NEO1: variants seen among roughly 807,000 people sequenced by gnomAD.
NEO1 encodes the protein neogenin 1, also known as neogenin.
Under a neutral mutation model 159.7 loss-of-function variants are expected in NEO1, and 63 were observed. That is an observed-to-expected ratio of 0.39 (90% CI 0.32 to 0.49). The LOEUF (loss-of-function observed/expected upper bound fraction) is 0.49, where lower values mean the gene tolerates loss of function less well. Ranked by LOEUF, NEO1 falls within the 20% of genes least tolerant of loss-of-function variation. The pLI is 0.85. For missense variants in NEO1, 1,615 were observed against 1,831.0 expected (o/e 0.88, Z 2.15); for synonymous variants, 633 against 662.0 (o/e 0.96, Z 0.67).
At chr15:73,177,069 G>A (rs1028100995) in intron 6 of NEO1, among the ~76,000 whole-genome samples, 1 of 152,146 alleles carries the variant, frequency 6.6e-6, no homozygotes, top group African/African-American at 2.4e-5. Flanking sequence ...CCCAGTGTCG[G>A]ACAATTGTGG....
At chr15:73,172,465 G>A (rs1249847275) in intron 5 of NEO1, among the ~76,000 whole-genome samples, 1 of 152,124 alleles carries the variant, frequency 6.6e-6, no homozygotes, top group Admixed American at 6.5e-5. Context: ...ATAAATCATT[G>A]GCTAAAGATC....
chr15:73,205,558 G>A (rs1295929437), intron 7 of NEO1, among the ~76,000 whole-genome samples: 3 of 152,170 alleles, frequency 2.0e-5, no homozygotes, highest in African/African-American at 4.8e-5. Flanking sequence ...TCACCCCTAA[G>A]ACTGTGGCCC....
chr15:73,052,412 G>GCCCC (rs1182316618), upstream of NEO1: 7 of 8,080 alleles, frequency 8.7e-4, 1 homozygote, highest in South Asian at 6.3e-3. Context: ...CCGACCCACC[G>GCCCC]CCCCCCCCCC....
At chr15:73,074,409 A>G (rs899171641) in intron 1 of NEO1, among the ~76,000 whole-genome samples, 1 of 152,218 alleles carries the variant, frequency 6.6e-6, no homozygotes, top group African/African-American at 2.4e-5. Flanking sequence ...TAAACTCATG[A>G]GTAAGATAAG....
At chr15:73,068,648 T>C (rs2068360772) in intron 1 of NEO1, among the ~76,000 whole-genome samples, 1 of 152,168 alleles carries the variant, frequency 6.6e-6, no homozygotes, top group African/African-American at 2.4e-5. Flanking sequence ...GGTACAGATT[T>C]TCCCCCTTGG....
chr15:73,244,981 A>AAAAAAAAAAAAAC (rs1426485832), intron 9 of NEO1, among the ~76,000 whole-genome samples: 5 of 148,112 alleles, frequency 3.4e-5, no homozygotes, highest in South Asian at 2.1e-4. Flanking sequence ...AAAAAAAAAA[A>AAAAAAAAAAAAAC]AACAACAGCA....
At chr15:73,153,098 G>T (rs1042128204) in intron 5 of NEO1, among the ~76,000 whole-genome samples, 3 of 152,178 alleles carry the variant, frequency 2.0e-5, no homozygotes, top group African/African-American at 7.2e-5. Context: ...TGAGAACCAG[G>T]AGTGCTGAGG....
chr15:73,074,006 G>C (rs1266111137), intron 1 of NEO1, among the ~76,000 whole-genome samples: 2 of 152,090 alleles, frequency 1.3e-5, no homozygotes, highest in Non-Finnish European at 2.9e-5. Flanking sequence ...GTGGACTAAT[G>C]ATAGAATTAA....
intron 4 of NEO1, among the ~76,000 whole-genome samples, chr15:73,128,866 A>G (rs1297863149): frequency 6.6e-6 from 1 of 152,216 alleles, no homozygotes; most frequent in Non-Finnish European, 1.5e-5. Flanking sequence ...TTGGGAGCAG[A>G]TGATTTTTAA....
chr15:73,191,428 T>G (rs576957791), intron 7 of NEO1, among the ~76,000 whole-genome samples: 149 of 139,112 alleles, frequency 1.1e-3, no homozygotes, highest in African/African-American at 3.5e-3. Flanking sequence ...AGCTTAACTT[T>G]ATGAAGCAAA....
intron 5 of NEO1, among the ~76,000 whole-genome samples, chr15:73,138,755 C>CAAAAAAAA (rs11368240): frequency 1.0e-4 from 11 of 109,146 alleles, no homozygotes; most frequent in African/African-American, 1.7e-4. Context: ...GACTCCGTCT[C>CAAAAAAAA]AAAAAAAAAA....
chr15:73,296,060 C>T lies in NEO1; in HGVS notation c.3902-2288C>T, dbSNP rs902443617. On this transcript the variant is annotated intron_variant, in intron 26 of 28. Transcript: ENST00000261908. ...GGCCCCCGGAGTTGTGCAAGGCAGC[C>T]CTGGTCTGTGGTAGCAGGCCTGGGT... 3.3e-4 allele frequency among the ~76,000 whole-genome samples: 51 copies of T among 152,284 alleles called. 1 individual carries two copies. The highest frequency in any genetic ancestry group is 1.2e-3 in the African/African-American group (50 of 41,558).
At chr15:73,067,682 T>C (rs1197634919) in intron 1 of NEO1, among the ~76,000 whole-genome samples, 1 of 149,390 alleles carries the variant, frequency 6.7e-6, no homozygotes, top group Non-Finnish European at 1.5e-5. Flanking sequence ...AGTGGTGCCA[T>C]CTCAGCTCAC....
At chr15:73,284,504 G>A (rs2041863755) in intron 23 of NEO1, among the ~76,000 whole-genome samples, 1 of 150,106 alleles carries the variant, frequency 6.7e-6, no homozygotes, top group Non-Finnish European at 1.5e-5. Context: ...TCCATAGCTT[G>A]TACTGTATCA....
chr15:73,060,679 A>G (rs2067932343), intron 1 of NEO1, among the ~76,000 whole-genome samples: 1 of 151,594 alleles, frequency 6.6e-6, no homozygotes, highest in African/African-American at 2.4e-5. Flanking sequence ...ATGGGCTCTC[A>G]CTCTATCACC....
Position 73,052,814 on chromosome 15 carries a change from C to A in NEO1, c.130+9C>A. Reference sequence around the variant, plus strand: ...CGCGCCGCAGTCCCCAGGTAAGCGGCGGGCGCGGGCCCGGGGGTTCGCGGG... The same window carrying A: ...CGCGCCGCAGTCCCCAGGTAAGCGGAGGGCGCGGGCCCGGGGGTTCGCGGG... On this transcript the variant is annotated intron_variant, in intron 1 of 28. Coordinates refer to ENST00000261908, the MANE Select transcript of NEO1 (RefSeq NM_002499.4). The A allele has an allele frequency of 1.2e-6, 1 of 867,916 alleles. No homozygotes were observed. The highest frequency in any genetic ancestry group is 1.4e-6 in the Non-Finnish European group (1 of 706,804). The allele number at this position is 867,916 out of a possible 1,614,324, so 53.8% of individuals were successfully genotyped here. A position where few individuals can be genotyped will look rare whatever the true frequency, so the allele number is the denominator to read the frequency against.
intron 25 of NEO1, among the ~76,000 whole-genome samples, chr15:73,290,045 A>C (rs2042102192): frequency 6.6e-6 from 1 of 152,082 alleles, no homozygotes; most frequent in South Asian, 2.1e-4. Context: ...CTGAGATGGA[A>C]GGATTACTTG....
intron 25 of NEO1, among the ~76,000 whole-genome samples, chr15:73,291,955 A>G (rs2042180072): frequency 6.6e-6 from 1 of 152,076 alleles, no homozygotes; most frequent in African/African-American, 2.4e-5. Flanking sequence ...CTACTTCTAA[A>G]AACTACCTGT....
chr15:73,258,690 C>A, intron 13 of NEO1, 76 bp from the exon 14 acceptor site: 1 of 1,237,596 alleles, frequency 8.1e-7, no homozygotes, highest in Non-Finnish European at 1.2e-6. Flanking sequence ...GAGATGTTTG[C>A]CTTAATGAGG....
Sources: gnomAD v4.1 joint callset for allele counts (sites outside exome capture counted in the v4.1 genomes callset) on GRCh38, gnomAD v4.1.1 for gene constraint, MANE v1.5 for transcripts, NCBI Gene and HGNC (gene_info 2026-07-23, HGNC 2026-07-21) for gene names.